ASTN2: variants seen among roughly 807,000 people sequenced by gnomAD.
The protein encoded by ASTN2 is astrotactin-2.
ASTN2 carries 54 observed loss-of-function variants against 139.8 expected under a neutral mutation model. The ratio of observed to expected loss-of-function variants is 0.39; its 90% CI spans 0.31 to 0.48. ASTN2 has a LOEUF of 0.48. Among genes scored for constraint, ASTN2 ranks in the 20% least tolerant of loss-of-function variants. The pLI, the probability that ASTN2 is intolerant of heterozygous loss-of-function variation, is 0.95. For synonymous variants in ASTN2, 756 were observed against 719.5 expected, an observed-to-expected ratio of 1.05 and a Z score of -0.81; for missense variants, 1,565 against 1,725.1, an observed-to-expected ratio of 0.91 and a Z score of 1.64.
At chr9:116,501,899 C>T (rs1849868488) in intron 19 of ASTN2, among the ~76,000 whole-genome samples, 1 of 151,644 alleles carries the variant, frequency 6.6e-6, no homozygotes, top group South Asian at 2.1e-4. Flanking sequence ...AGGTCCTGAG[C>T]CCATCCCATT....
At chr9:117,193,966 T>C (rs917038800) in intron 3 of ASTN2, among the ~76,000 whole-genome samples, 2 of 151,648 alleles carry the variant, frequency 1.3e-5, no homozygotes, top group South Asian at 4.2e-4. Context: ...AGGGTGTTGT[T>C]GTTGTTGTTG....
At chr9:116,904,261 T>C (rs1323520123) in intron 10 of ASTN2, among the ~76,000 whole-genome samples, 1 of 152,138 alleles carries the variant, frequency 6.6e-6, no homozygotes, top group African/African-American at 2.4e-5. Flanking sequence ...CACAGGAGCA[T>C]CAGGGGTTAA....
chr9:117,099,831 C>G (rs922594893), intron 4 of ASTN2, among the ~76,000 whole-genome samples: 2 of 152,124 alleles, frequency 1.3e-5, no homozygotes, highest in Non-Finnish European at 2.9e-5. Context: ...ACAGCCATCC[C>G]TATAAGGACT....
At chr9:117,349,886 C>T (rs1186988989) in intron 1 of ASTN2, among the ~76,000 whole-genome samples, 2 of 152,052 alleles carry the variant, frequency 1.3e-5, no homozygotes, top group Admixed American at 6.6e-5. Flanking sequence ...AAAGGAAAAC[C>T]TGAGAGACTG....
intron 19 of ASTN2, among the ~76,000 whole-genome samples, chr9:116,508,354 C>T (rs1048978572): frequency 6.6e-6 from 1 of 152,166 alleles, no homozygotes; most frequent in Admixed American, 6.5e-5. Flanking sequence ...ATTGTCATCA[C>T]CTCACCCAGT....
intron 19 of ASTN2, among the ~76,000 whole-genome samples, chr9:116,586,896 C>T (rs943866278): frequency 6.0e-5 from 9 of 148,934 alleles, no homozygotes; most frequent in African/African-American, 1.8e-4. Context: ...TTAATGAGAT[C>T]TTTATGGACA....
At chr9:116,463,555 A>G (rs1314070093) in intron 20 of ASTN2, among the ~76,000 whole-genome samples, 2 of 152,120 alleles carry the variant, frequency 1.3e-5, no homozygotes, top group East Asian at 3.8e-4. Context: ...CTCTCTGCCT[A>G]TAATGCCTGT....
At chr9:117,003,210 CCT>C (rs780584902) in intron 7 of ASTN2, among the ~76,000 whole-genome samples, 2 of 152,212 alleles carry the variant, frequency 1.3e-5, no homozygotes, top group South Asian at 4.2e-4. Flanking sequence ...TGAGTCATCC[CCT>C]GTGAGTGCAG....
At chr9:117,061,940 T>C (rs746397325) in intron 5 of ASTN2, among the ~76,000 whole-genome samples, 1 of 152,212 alleles carries the variant, frequency 6.6e-6, no homozygotes, top group African/African-American at 2.4e-5. Flanking sequence ...CATTATTTTG[T>C]TTAAACCTCA....
intron 16 of ASTN2, among the ~76,000 whole-genome samples, chr9:116,691,654 A>G (rs914155159): frequency 8.5e-5 from 13 of 152,166 alleles, no homozygotes; most frequent in Admixed American, 3.3e-4. Flanking sequence ...TGTTGAGTTT[A>G]TCTTAGTTGT....
At chr9:117,309,538 A>G (rs1395942430) in intron 1 of ASTN2, among the ~76,000 whole-genome samples, 1 of 152,224 alleles carries the variant, frequency 6.6e-6, no homozygotes, top group African/African-American at 2.4e-5. Flanking sequence ...AGGCAGGAAG[A>G]TAGATGCAGG....
At chr9:116,722,646 C>T (rs939653075) in intron 16 of ASTN2, among the ~76,000 whole-genome samples, 1 of 152,100 alleles carries the variant, frequency 6.6e-6, no homozygotes. Context: ...GAAGTGAGTA[C>T]CCTTGCCTCC....
At chr9:117,339,859 T>C (rs10983627) in intron 1 of ASTN2, among the ~76,000 whole-genome samples, 8,225 of 149,632 alleles carry the variant, frequency 0.055, 284 homozygotes, top group Non-Finnish European at 0.078. Context: ...CAAATATTTA[T>C]GGATTTTAAT....
At chr9:116,594,860 C>A (rs886792848) in intron 19 of ASTN2, among the ~76,000 whole-genome samples, 9 of 152,110 alleles carry the variant, frequency 5.9e-5, no homozygotes, top group African/African-American at 2.2e-4. Flanking sequence ...CTAGCATGGT[C>A]CCCATACCCT....
At chr9:117,104,657 T>C (rs553020336) in intron 4 of ASTN2, among the ~76,000 whole-genome samples, 1 of 152,320 alleles carries the variant, frequency 6.6e-6, no homozygotes, top group South Asian at 2.1e-4. Flanking sequence ...AGGAAACATA[T>C]TAAGGTGTTA....
chr9:116,944,381 C>A (rs980920836), intron 10 of ASTN2, among the ~76,000 whole-genome samples: 6 of 151,938 alleles, frequency 3.9e-5, no homozygotes, highest in African/African-American at 1.2e-4. Context: ...GAGAGAAGAT[C>A]AATTAAAAGC....
chr9:116,620,532 C>A (rs207470523), intron 17 of ASTN2, 89 bp from the exon 18 acceptor site: 4 of 1,547,246 alleles, frequency 2.6e-6, no homozygotes, highest in Admixed American at 1.7e-5. Context: ...TGTGAGCCAT[C>A]GAGGGCTTTA....
At chr9:117,406,828 ACTT>A (rs1380673860) in intron 1 of ASTN2, among the ~76,000 whole-genome samples, 1 of 150,380 alleles carries the variant, frequency 6.6e-6, no homozygotes, top group Non-Finnish European at 1.5e-5. Flanking sequence ...TAACTTATTT[ACTT>A]ATTATGTCTG....
chr9:116,790,982 A>AAGAAAGAAG (rs1564268956), intron 13 of ASTN2, among the ~76,000 whole-genome samples: 324 of 86,290 alleles, frequency 3.8e-3, no homozygotes, highest in African/African-American at 4.8e-3. Flanking sequence ...AAAGAAAGAA[A>AAGAAAGAAG]GAAAGAAAGA....
Sources: allele counts gnomAD v4.1 joint callset (sites outside exome capture counted in the v4.1 genomes callset), GRCh38; gene constraint gnomAD v4.1.1; transcripts MANE v1.5; gene names NCBI Gene and HGNC (gene_info 2026-07-23, HGNC 2026-07-21).